TRPM3: variants seen among roughly 807,000 people sequenced by gnomAD.
The protein encoded by TRPM3 is long transient receptor potential channel 3.
A neutral mutation model predicts 181.2 loss-of-function variants in TRPM3; 77 were observed. The observed-to-expected ratio is 0.42, with a 90% CI of 0.35 to 0.51. The LOEUF (loss-of-function observed/expected upper bound fraction) is 0.51, where lower values mean the gene tolerates loss of function less well. TRPM3 is among the 20% of genes least tolerant of loss of function. TRPM3 has a pLI of 0.01. For synonymous variants in TRPM3, 745 were observed against 796.4 expected, an observed-to-expected ratio of 0.94 and a Z score of 1.09; for missense variants, 1,759 against 2,196.7, an observed-to-expected ratio of 0.80 and a Z score of 3.98.
At chr9:70,974,492 G>T (rs1305783111) in intron 1 of TRPM3, among the ~76,000 whole-genome samples, 3 of 151,944 alleles carry the variant, frequency 2.0e-5, no homozygotes, top group South Asian at 2.1e-4. Flanking sequence ...GGAGCCGAGA[G>T]CGCGCCACTG....
intron 1 of TRPM3, among the ~76,000 whole-genome samples, chr9:71,425,098 G>T (rs2093840061): frequency 6.8e-6 from 1 of 147,282 alleles, no homozygotes; most frequent in Non-Finnish European, 1.5e-5. Context: ...ACCTACATAT[G>T]TCTCTGGTTT....
intron 1 of TRPM3, among the ~76,000 whole-genome samples, chr9:71,200,304 A>G (rs978698950): frequency 6.6e-6 from 1 of 151,686 alleles, no homozygotes; most frequent in African/African-American, 2.4e-5. Flanking sequence ...TATGTGGTCA[A>G]TTTTGGAATA....
intron 1 of TRPM3, among the ~76,000 whole-genome samples, chr9:71,127,438 G>A (rs1397387663): frequency 6.6e-6 from 1 of 152,132 alleles, no homozygotes; most frequent in Non-Finnish European, 1.5e-5. Context: ...GGACTGGACT[G>A]TCTGTGTTTC....
At chr9:71,286,269 A>G (rs2085271495) in intron 1 of TRPM3, among the ~76,000 whole-genome samples, 1 of 152,204 alleles carries the variant, frequency 6.6e-6, no homozygotes, top group African/African-American at 2.4e-5. Flanking sequence ...CTCATATTAG[A>G]CAATAGTAAT....
At chr9:71,107,698 G>A (rs529236003) in intron 1 of TRPM3, among the ~76,000 whole-genome samples, 2 of 152,220 alleles carry the variant, frequency 1.3e-5, no homozygotes, top group South Asian at 2.1e-4. Context: ...ACAAAACAGT[G>A]CTCATTTGAC....
intron 1 of TRPM3, among the ~76,000 whole-genome samples, chr9:71,208,671 T>C (rs772538284): frequency 5.3e-5 from 8 of 152,196 alleles, no homozygotes; most frequent in Non-Finnish European, 7.4e-5. Context: ...GAAAAGAATA[T>C]GAAAGTTTCC....
At chr9:70,788,487 C>G (rs3926800) in intron 6 of TRPM3, among the ~76,000 whole-genome samples, 39,733 of 151,700 alleles carry the variant, frequency 0.26, 6,263 homozygotes, top group East Asian at 0.52. Context: ...TTGGCTAAAC[C>G]TTCCACAGTG....
At chr9:70,993,212 C>T (rs1056084898) in intron 1 of TRPM3, among the ~76,000 whole-genome samples, 1 of 152,112 alleles carries the variant, frequency 6.6e-6, no homozygotes, top group East Asian at 1.9e-4. Flanking sequence ...ATAATTTTAT[C>T]TGTATTTCAT....
At chr9:71,355,105 A>G (rs1459907332) in intron 1 of TRPM3, among the ~76,000 whole-genome samples, 2 of 152,178 alleles carry the variant, frequency 1.3e-5, no homozygotes, top group Non-Finnish European at 2.9e-5. Context: ...ACCCATTGCC[A>G]TATGTTTTCT....
At chr9:70,794,094 T>C (rs2086374117) in intron 6 of TRPM3, among the ~76,000 whole-genome samples, 1 of 150,016 alleles carries the variant, frequency 6.7e-6, no homozygotes, top group African/African-American at 2.4e-5. Flanking sequence ...GATAGCAGAT[T>C]TTTTTTTTTA....
intron 8 of TRPM3, among the ~76,000 whole-genome samples, chr9:70,681,892 T>A (rs2065539486): frequency 6.6e-6 from 1 of 152,196 alleles, no homozygotes; most frequent in African/African-American, 2.4e-5. Flanking sequence ...ATGTGATAGC[T>A]TTAGGAGGTG....
intron 1 of TRPM3, among the ~76,000 whole-genome samples, chr9:71,198,086 A>G (rs534028155): frequency 2.7e-5 from 4 of 148,030 alleles, no homozygotes; most frequent in Non-Finnish European, 6.0e-5. Context: ...AGCTTTCTAC[A>G]TATGGCTAGC....
At chr9:71,140,790 C>G (rs1276913156) in intron 1 of TRPM3, among the ~76,000 whole-genome samples, 1 of 152,018 alleles carries the variant, frequency 6.6e-6, no homozygotes, top group Non-Finnish European at 1.5e-5. Flanking sequence ...AGGCAAATAC[C>G]ATATAGTAAT....
intron 9 of TRPM3, among the ~76,000 whole-genome samples, chr9:70,671,549 A>G (rs2062935644): frequency 3.6e-5 from 5 of 139,346 alleles, no homozygotes; most frequent in Admixed American, 3.6e-4. Context: ...AATAAACATT[A>G]TATGGTAAGT....
chr9:71,343,404 A>G (rs1285709282), intron 1 of TRPM3, among the ~76,000 whole-genome samples: 1 of 152,082 alleles, frequency 6.6e-6, no homozygotes, highest in African/African-American at 2.4e-5. Flanking sequence ...CTGAACTTTT[A>G]TTAGTAGGTT....
intron 1 of TRPM3, among the ~76,000 whole-genome samples, chr9:71,100,252 G>T (rs1289275252): frequency 6.6e-6 from 1 of 152,100 alleles, no homozygotes; most frequent in Non-Finnish European, 1.5e-5. Flanking sequence ...CTCTGAGGGA[G>T]ATTTGAAGAT....
chr9:71,081,280 C>G (rs672374), intron 1 of TRPM3, among the ~76,000 whole-genome samples: 151,931 of 152,330 alleles, frequency 1, 75,766 homozygotes, highest in Middle Eastern at 1. Flanking sequence ...ATCTGTGGAC[C>G]TAATTAGGAA....
At chr9:71,169,598 A>G (rs2076736723) in intron 1 of TRPM3, among the ~76,000 whole-genome samples, 1 of 152,052 alleles carries the variant, frequency 6.6e-6, no homozygotes, top group South Asian at 2.1e-4. Flanking sequence ...ATGTTATTAA[A>G]TCTATGGATA....
intron 1 of TRPM3, among the ~76,000 whole-genome samples, chr9:71,365,482 T>C (rs2092304557): frequency 6.6e-6 from 1 of 152,172 alleles, no homozygotes; most frequent in South Asian, 2.1e-4. Context: ...TCCCCAAATA[T>C]AAACATATAA....
Sources: allele counts gnomAD v4.1 joint callset (sites outside exome capture counted in the v4.1 genomes callset), GRCh38; gene constraint gnomAD v4.1.1; transcripts MANE v1.5; gene names NCBI Gene and HGNC (gene_info 2026-07-23, HGNC 2026-07-21).